ABCA6: variants seen among roughly 807,000 people sequenced by gnomAD.
ABCA6 encodes ATP binding cassette subfamily A member 6, also known as ATP-binding cassette sub-family A member 6.
A neutral mutation model predicts 191.2 loss-of-function variants in ABCA6; 164 were observed. The ratio of observed to expected loss-of-function variants is 0.86; its 90% CI spans 0.76 to 0.98. ABCA6 has a LOEUF of 0.98. ABCA6 is among the 50% of genes least tolerant of loss of function. The probability of loss-of-function intolerance (pLI) is 0.00; values close to 1 mark genes in which losing one functional copy is unlikely to be tolerated. For synonymous variants in ABCA6, 636 were observed against 647.7 expected (o/e 0.98, Z 0.27); for missense variants, 1,958 against 1,894.1 (o/e 1.03, Z -0.63).
chr17:69,132,165 C>T (rs1157748661), intron 6 of ABCA6, among the ~76,000 whole-genome samples: 1 of 152,074 alleles, frequency 6.6e-6, no homozygotes, highest in Non-Finnish European at 1.5e-5. Context: ...TAACACGTGG[C>T]TCCCAAGGAA....
At chr17:69,081,522 A>AT in intron 36 of ABCA6, among the ~76,000 whole-genome samples, 1 of 152,090 alleles carries the variant, frequency 6.6e-6, no homozygotes, top group South Asian at 2.1e-4. Context: ...TAATGAATGA[A>AT]TTTTTTCTTT....
Position 69,096,741 on chromosome 17 carries a change from G to A in ABCA6, c.3181C>T (p.Gln1061Ter). The change falls in exon 24 of 39, where the codon CAG becomes TAG. Residue 1061 changes from glutamine (Q) to a stop codon, truncating the protein, a stop_gained. Coordinates refer to ENST00000284425, the MANE Select transcript of ABCA6 (RefSeq NM_080284.3). LOFTEE classifies it high-confidence loss of function. ...AAGAAGCTGACGTCCACTAGTGCCTGCCCACACCAGTAAGCAGAAGTGTAG... is the reference window on the plus strand; with the variant it reads ...AAGAAGCTGACGTCCACTAGTGCCTACCCACACCAGTAAGCAGAAGTGTAG... ...GLYTSAYWCG[Q>*]ALVDVSFFIL... is the part of the protein sequence containing the mutation. 6.3e-7 allele frequency: 1 copy of A among 1,588,286 alleles called. No individual in the cohort carries two copies. The highest frequency in any genetic ancestry group is 8.5e-7 in the Non-Finnish European group (1 of 1,170,580).
chr17:69,103,256 C>T (rs1349499686), intron 20 of ABCA6, among the ~76,000 whole-genome samples: 2 of 152,084 alleles, frequency 1.3e-5, no homozygotes, highest in African/African-American at 4.8e-5. Context: ...ACAACAACAA[C>T]AACATTTGAA....
Position 69,134,029 on chromosome 17 carries a change from A to G in ABCA6, c.565-162T>C, listed in dbSNP as rs376732722. On this transcript the variant is annotated intron_variant, in intron 5 of 38. Transcript: ENST00000284425. Reference sequence around the variant, plus strand: ...GTAAAGGCAACTGGATGAAGGGTACATGGACTTCTCTGTACATTACATTTG... The same window carrying G: ...GTAAAGGCAACTGGATGAAGGGTACGTGGACTTCTCTGTACATTACATTTG... Among the ~76,000 whole-genome samples the G allele has an allele frequency of 1.8e-3, 280 of 152,316 alleles. 1 individual carries two copies. Among genetic ancestry groups the G allele is most frequent in the African/African-American group, 6.5e-3 (270 of 41,566 alleles).
chr17:69,100,291 A>G (rs750811748), intron 22 of ABCA6, among the ~76,000 whole-genome samples: 19 of 152,166 alleles, frequency 1.2e-4, no homozygotes, highest in Non-Finnish European at 2.4e-4. Flanking sequence ...ACAGAATCCA[A>G]TGCAGCCTGT....
In ABCA6 at chr17:69,124,992, TC is replaced by T; in HGVS notation, c.1162del (p.Asp388ThrfsTer9). On this transcript the variant is annotated frameshift_variant, in exon 9 of 39. Transcript: ENST00000284425. LOFTEE classifies it high-confidence loss of function. Reference sequence around the variant, plus strand: ...CATTGTATATGAGTCTCCTGAAGGGTCAGGAAAAATTACACCATTCAAGTTA... The same window carrying T: ...CATTGTATATGAGTCTCCTGAAGGGTAGGAAAAATTACACCATTCAAGTTA... ...DYNLNGVIFP[D>X]PSGDSYTMIA... The T allele has an allele frequency of 6.7e-7, 1 of 1,502,834 alleles. No homozygotes were observed. 93.1% of individuals were successfully genotyped at this position (1,502,834 alleles called of 1,614,324 possible). A position where few individuals can be genotyped will look rare whatever the true frequency, so the allele number is the denominator to read the frequency against.
At chr17:69,119,892 G>A (rs986514812) in intron 10 of ABCA6, among the ~76,000 whole-genome samples, 1 of 151,896 alleles carries the variant, frequency 6.6e-6, no homozygotes, top group Non-Finnish European at 1.5e-5. Context: ...AAATAAAAGT[G>A]GTAGATTCAT....
intron 18 of ABCA6, 118 bp downstream of exon 18, chr17:69,107,578 C>T (rs1052237226): frequency 1.3e-6 from 1 of 751,072 alleles, no homozygotes. Flanking sequence ...ACAGCAGAGC[C>T]AAATTTGGAA....
At chr17:69,126,634 C>T (rs947922564) in intron 8 of ABCA6, among the ~76,000 whole-genome samples, 4 of 151,424 alleles carry the variant, frequency 2.6e-5, no homozygotes, top group Non-Finnish European at 5.9e-5. Flanking sequence ...AGGGCAAGAC[C>T]CTGTCTCAAA....
chr17:69,134,581 T>C (rs1185361670), intron 5 of ABCA6, 58 bp downstream of exon 5: 1 of 1,242,838 alleles, frequency 8.0e-7, no homozygotes, highest in African/African-American at 1.5e-5. Context: ...ATCAAAAATC[T>C]TGAGGTCTCT....
In ABCA6 at chr17:69,135,124, G is replaced by A. The variant is rs148806729; in HGVS notation, c.461-382C>T. 2.6e-3 allele frequency: 494 copies of A among 190,588 alleles called. 15 individuals carry two copies. In the East Asian group the frequency reaches 0.068, roughly 26 times the overall value. 11.8% of individuals were successfully genotyped at this position (190,588 alleles called of 1,614,324 possible). On this transcript the variant is annotated intron_variant, in intron 4 of 38. Coordinates refer to ENST00000284425, the MANE Select transcript of ABCA6 (RefSeq NM_080284.3). ...TCGAACTCCTGACCTCAGGTGATCC[G>A]TGCACCTCGGCCTCTCAAAGTGCTG...
chr17:69,084,528 A>T (rs770650236), intron 32 of ABCA6, 21 bp from the exon 33 acceptor site: 13 of 1,612,680 alleles, frequency 8.1e-6, no homozygotes, highest in African/African-American at 1.3e-5. Context: ...ACAGAATGAG[A>T]ATATCTGGTC....
intron 19 of ABCA6, 112 bp downstream of exon 19, chr17:69,105,916 T>C: frequency 8.4e-7 from 1 of 1,188,688 alleles, no homozygotes; most frequent in African/African-American, 1.5e-5. Context: ...GCTGAATTTA[T>C]CCACCCCGTG....
chr17:69,088,289 G>C (rs1352031192), intron 27 of ABCA6, 31 bp from the exon 28 acceptor site: 2 of 1,474,336 alleles, frequency 1.4e-6, no homozygotes, highest in Non-Finnish European at 1.8e-6. Context: ...TTATATTTAG[G>C]CATAAGTTCA....
chr17:69,079,121 A>G, intron 38 of ABCA6, 47 bp from the exon 39 acceptor site: 2 of 1,570,652 alleles, frequency 1.3e-6, no homozygotes. Flanking sequence ...GAGATTATCA[A>G]GTTGTTGGTC....
intron 24 of ABCA6, 120 bp downstream of exon 24, chr17:69,096,508 G>A (rs1271483516): frequency 1.1e-6 from 1 of 899,372 alleles, no homozygotes; most frequent in Non-Finnish European, 1.5e-6. Context: ...CACTTTGCAT[G>A]TTTTTTGTTT....
rs1598038010 is a variant in ABCA6 at position 69,114,760 on chromosome 17, A to G, written c.1782+2T>C. ...TCAGTTAATCCAAGCATGCCCTCCT[A>G]CCTCTTGTTCCACTTCCTTTAGATG... On this transcript the variant is annotated splice_donor_variant, in intron 13 of 38. Transcript: ENST00000284425. LOFTEE classifies it high-confidence loss of function. 1 of 1,606,204 alleles carries G rather than the reference A, an allele frequency of 6.2e-7. No homozygotes were observed. The highest frequency in any genetic ancestry group is 8.5e-7 in the Non-Finnish European group (1 of 1,176,618).
At chr17:69,114,588 G>T (rs1282701532) in intron 13 of ABCA6, among the ~76,000 whole-genome samples, 174 bp downstream of exon 13, 1 of 151,996 alleles carries the variant, frequency 6.6e-6, no homozygotes, top group Non-Finnish European at 1.5e-5. Context: ...AATCCAAAAT[G>T]ATTCATATTA....
At chr17:69,099,873 C>A (rs1362436141) in intron 22 of ABCA6, among the ~76,000 whole-genome samples, 1 of 152,192 alleles carries the variant, frequency 6.6e-6, no homozygotes, top group Non-Finnish European at 1.5e-5. Flanking sequence ...ACTCCCAGCA[C>A]CACTGATTCA....
Sources: gnomAD v4.1 joint callset for allele counts (sites outside exome capture counted in the v4.1 genomes callset) on GRCh38, gnomAD v4.1.1 for gene constraint, MANE v1.5 for transcripts, NCBI Gene and HGNC (gene_info 2026-07-23, HGNC 2026-07-21) for gene names.